GALR1: variants seen among roughly 807,000 people sequenced by gnomAD.
GALR1 encodes the protein galanin receptor 1.
Under a neutral mutation model 17.9 loss-of-function variants are expected in GALR1, and 11 were observed. The ratio of observed to expected loss-of-function variants is 0.62; its 90% confidence interval spans 0.39 to 1.02. The LOEUF (loss-of-function observed/expected upper bound fraction) is 1.02, where lower values mean the gene tolerates loss of function less well. Ranked by LOEUF, GALR1 falls within the 50% of genes least tolerant of loss-of-function variation. The probability of loss-of-function intolerance (pLI) is 0.01; values close to 1 mark genes in which losing one functional copy is unlikely to be tolerated. For missense variants in GALR1, 441 were observed against 456.9 expected (o/e 0.97, Z 0.32); for synonymous variants, 206 against 205.7 (o/e 1.00, Z -0.01).
Position 77,271,160 on chromosome 18 carries a change from T to C in GALR1, c.*2258T>C, listed in dbSNP as rs1194019456. On this transcript the variant is annotated 3_prime_UTR_variant, in exon 3 of 3. Coordinates refer to ENST00000299727, the MANE Select transcript of GALR1 (RefSeq NM_001480.4). Reference sequence around the variant, plus strand: ...CTATTTTCTAGAGGCATGCCGAAAATGTGCTGTGCCTTTGGTCCTTCCCAG... The same window carrying C: ...CTATTTTCTAGAGGCATGCCGAAAACGTGCTGTGCCTTTGGTCCTTCCCAG... The C allele has an allele frequency of 6.6e-6, 1 of 151,832 alleles. No homozygotes were observed. The highest frequency in any genetic ancestry group is 1.9e-4 in the East Asian group (1 of 5,182). The allele number at this position is 151,832 out of a possible 1,614,324, so 9.4% of individuals were successfully genotyped here. A position where few individuals can be genotyped will look rare whatever the true frequency, so the allele number is the denominator to read the frequency against.
At chr18:77,253,491 A>G (rs1331094066) in intron 1 of GALR1, among the ~76,000 whole-genome samples, 5 of 152,246 alleles carry the variant, frequency 3.3e-5, no homozygotes, top group Non-Finnish European at 7.3e-5. Context: ...GCCTTCAGGG[A>G]GAAGAGCTAA....
At chr18:77,267,683 TCATTGC>T (rs1488799755) in intron 2 of GALR1, among the ~76,000 whole-genome samples, 1 of 152,252 alleles carries the variant, frequency 6.6e-6, no homozygotes, top group Non-Finnish European at 1.5e-5. Flanking sequence ...ATAAATTGGA[TCATTGC>T]CTTTTCTTTG....
Position 77,256,369 on chromosome 18 carries a change from G to A in GALR1, c.732+146G>A, listed in dbSNP as rs1053557902. 13 of 562,536 alleles carry A rather than the reference G, an allele frequency of 2.3e-5. No homozygotes were observed. The Admixed American group carries it at 3.1e-4, about 13-fold the overall frequency. 34.8% of individuals were successfully genotyped at this position (562,536 alleles called of 1,614,324 possible). ...GGAGGTTTGAGATGAGCCTCCCACCGTTAGGATGGGAATGGAGGGTCGGCC... is the reference window on the plus strand; with the variant it reads ...GGAGGTTTGAGATGAGCCTCCCACCATTAGGATGGGAATGGAGGGTCGGCC... On this transcript the variant is annotated intron_variant, in intron 2 of 2. Coordinates refer to ENST00000299727, the MANE Select transcript of GALR1 (RefSeq NM_001480.4).
chr18:77,271,661 A>G lies in GALR1; in HGVS notation c.*2759A>G, dbSNP rs958670820. 2.0e-5 allele frequency: 3 copies of G among 152,134 alleles called. No homozygotes were observed. Among genetic ancestry groups the G allele is most frequent in the African/African-American group, 7.2e-5 (3 of 41,432 alleles). 9.4% of individuals were successfully genotyped at this position (152,134 alleles called of 1,614,324 possible). On this transcript the variant is annotated 3_prime_UTR_variant, in exon 3 of 3. Transcript: ENST00000299727. ...AGGTTGAGGGAGAAATATTGCTTAT[A>G]CCTTTGAAGTCAGGCTGCTTGAAAC...
intron 1 of GALR1, among the ~76,000 whole-genome samples, chr18:77,252,629 C>G (rs1599353821): frequency 6.6e-6 from 1 of 152,178 alleles, no homozygotes; most frequent in South Asian, 2.1e-4. Context: ...GGGTGGATCA[C>G]CTGAGGTCGG....
intron 1 of GALR1, chr18:77,254,024 G>A (rs1912529325): frequency 6.6e-6 from 1 of 152,204 alleles, no homozygotes; most frequent in African/African-American, 2.4e-5. Flanking sequence ...TTCCCTTAGA[G>A]TGAATTACTG....
At chr18:77,267,630 T>C (rs2094570840) in intron 2 of GALR1, among the ~76,000 whole-genome samples, 1 of 152,232 alleles carries the variant, frequency 6.6e-6, no homozygotes, top group African/African-American at 2.4e-5. Context: ...GTTTGTATTT[T>C]ATAGTTTAAA....
chr18:77,271,215 A>AT lies in GALR1; in HGVS notation c.*2314dup, dbSNP rs1487198070. ...TACTGGCACGTCTGAAGCTTGAGGC[A>AT]TGGTACAAAAAGTAATAGCTTGCGC... On this transcript the variant is annotated 3_prime_UTR_variant, in exon 3 of 3. Coordinates refer to ENST00000299727, the MANE Select transcript of GALR1 (RefSeq NM_001480.4). 2 of 146,666 alleles carry AT rather than the reference A, an allele frequency of 1.4e-5. No homozygotes were observed. 9.1% of individuals were successfully genotyped at this position (146,666 alleles called of 1,614,324 possible).
chr18:77,267,641 A>G (rs118156445), intron 2 of GALR1, among the ~76,000 whole-genome samples: 107 of 152,350 alleles, frequency 7.0e-4, no homozygotes, highest in Middle Eastern at 3.4e-3. Flanking sequence ...ATAGTTTAAA[A>G]AATACTAGAC....
At chr18:77,268,178 G>A (rs994116606) in intron 2 of GALR1, among the ~76,000 whole-genome samples, 1 of 152,118 alleles carries the variant, frequency 6.6e-6, no homozygotes, top group African/African-American at 2.4e-5. Context: ...GCAAAGTCCA[G>A]CGCTCCTCCG....
chr18:77,252,394 C>A (rs573948596), intron 1 of GALR1, among the ~76,000 whole-genome samples: 2 of 152,342 alleles, frequency 1.3e-5, no homozygotes, highest in African/African-American at 4.8e-5. Context: ...ACTATACGAC[C>A]ACAAATAACC....
At position 77,273,079 on chromosome 18, in the gene GALR1, A is replaced by G. The variant is rs1913092054; in HGVS notation, c.*4177A>G. ...TGGTGGTTTCTTTTCTTAGTGTGGC[A>G]GGTTCACTCACATTCATGTTTTTGA... On this transcript the variant is annotated 3_prime_UTR_variant, in exon 3 of 3. Transcript: ENST00000299727. 6.6e-6 allele frequency: 1 copy of G among 152,128 alleles called. No homozygotes were observed. The highest frequency in any genetic ancestry group is 2.4e-5 in the African/African-American group (1 of 41,412). 9.4% of individuals were successfully genotyped at this position (152,128 alleles called of 1,614,324 possible). A position where few individuals can be genotyped will look rare whatever the true frequency, so the allele number is the denominator to read the frequency against.
At chr18:77,252,959 T>TCACCAC (rs1912488840) in intron 1 of GALR1, among the ~76,000 whole-genome samples, 23 of 26,128 alleles carry the variant, frequency 8.8e-4, no homozygotes, top group East Asian at 5.0e-3. Context: ...ATCACCACCA[T>TCACCAC]CACCACCACC....
At chr18:77,252,967 A>ACCT (rs1912491365) in intron 1 of GALR1, among the ~76,000 whole-genome samples, 1 of 65,802 alleles carries the variant, frequency 1.5e-5, no homozygotes, top group Non-Finnish European at 3.5e-5. Flanking sequence ...CATCACCACC[A>ACCT]CCATCACCAC....
intron 2 of GALR1, among the ~76,000 whole-genome samples, chr18:77,266,488 G>A (rs574746603): frequency 3.3e-4 from 50 of 152,170 alleles, no homozygotes; most frequent in African/African-American, 9.6e-4. Context: ...AAGTTGCTTC[G>A]ACATTTTTGA....
intron 2 of GALR1, among the ~76,000 whole-genome samples, chr18:77,260,868 G>A (rs1212506678): frequency 6.6e-6 from 1 of 152,170 alleles, no homozygotes; most frequent in Non-Finnish European, 1.5e-5. Context: ...GCTTCCTGGA[G>A]AAAATTGGAT....
intron 2 of GALR1, among the ~76,000 whole-genome samples, chr18:77,259,974 CGTGTT>C (rs747905468): frequency 2.8e-4 from 42 of 151,962 alleles, no homozygotes; most frequent in Non-Finnish European, 5.0e-4. Flanking sequence ...CTGGTGCACA[CGTGTT>C]CATCATTTGA....
In GALR1 at chr18:77,251,748, G is replaced by A. The variant is rs1912422775; in HGVS notation, c.666+534G>A. Among the ~76,000 whole-genome samples the A allele has an allele frequency of 2.6e-5, 4 of 152,320 alleles. No individual in the cohort carries two copies. In the South Asian group the frequency reaches 8.3e-4, roughly 32 times the overall value. ...CTCCCTCCCGGGCTCTCAGCTGGCC[G>A]TGGCGGGGGGGACTCGCGGGGCGGC... On this transcript the variant is annotated intron_variant, in intron 1 of 2. Transcript: ENST00000299727.
At chr18:77,259,130 T>A (rs796833788) in intron 2 of GALR1, among the ~76,000 whole-genome samples, 1 of 4,072 alleles carries the variant, frequency 2.5e-4, no homozygotes, top group Admixed American at 4.9e-3. Context: ...GGTGGTGGTG[T>A]TGGTGGTGGT....
Sources: gnomAD v4.1 joint callset for allele counts (sites outside exome capture counted in the v4.1 genomes callset) on GRCh38, gnomAD v4.1.1 for gene constraint, MANE v1.5 for transcripts, NCBI Gene and HGNC (gene_info 2026-07-23, HGNC 2026-07-21) for gene names.